OCA2: variants seen among roughly 807,000 people sequenced by gnomAD.
OCA2 encodes P protein.
Under a neutral mutation model 100.2 loss-of-function variants are expected in OCA2, and 77 were observed. That is an observed-to-expected ratio of 0.77 (90% CI 0.64 to 0.93). OCA2 has a LOEUF of 0.93. OCA2 is among the 40% of genes least tolerant of loss of function. OCA2 has a pLI of 0.00. For synonymous variants in OCA2, 432 were observed against 439.2 expected (o/e 0.98, Z 0.21); for missense variants, 1,062 against 1,089.1 (o/e 0.98, Z 0.35).
chr15:27,743,914 C>A, the OCA2 span, among the ~76,000 whole-genome samples: 8 of 152,202 alleles, frequency 5.3e-5, no homozygotes, highest in Non-Finnish European at 7.3e-5. Flanking sequence ...GCCACCACGT[C>A]ATCGTTGCTT....
chr15:27,905,163 C>CAAAAAAAA (rs35906783), intron 19 of OCA2, among the ~76,000 whole-genome samples: 1 of 114,642 alleles, frequency 8.7e-6, no homozygotes. Flanking sequence ...GACTCCACCT[C>CAAAAAAAA]AAAAAAAAAA....
At chr15:27,740,768 C>T in the OCA2 span, among the ~76,000 whole-genome samples, 11 of 152,180 alleles carry the variant, frequency 7.2e-5, no homozygotes, top group African/African-American at 2.7e-4. Context: ...CAGAGCTGGG[C>T]ATAGGCACAG....
intron 2 of OCA2, among the ~76,000 whole-genome samples, chr15:28,045,946 C>A (rs2043334779): frequency 2.0e-5 from 3 of 152,070 alleles, no homozygotes; most frequent in African/African-American, 7.2e-5. Context: ...CCCCTTCCTG[C>A]AACACAGACC....
At chr15:28,056,300 GA>G (rs2141616594) in intron 2 of OCA2, among the ~76,000 whole-genome samples, 1 of 152,300 alleles carries the variant, frequency 6.6e-6, no homozygotes, top group East Asian at 1.9e-4. Context: ...CCACTGACAG[GA>G]GCCTCTCTTC....
chr15:27,914,852 A>G (rs1363422894), intron 19 of OCA2, among the ~76,000 whole-genome samples: 3 of 152,154 alleles, frequency 2.0e-5, no homozygotes, highest in African/African-American at 7.2e-5. Context: ...AGAGAATTAG[A>G]AAAAAACTAT....
intron 21 of OCA2, among the ~76,000 whole-genome samples, chr15:27,859,481 G>T (rs1004347399): frequency 6.6e-6 from 1 of 152,086 alleles, no homozygotes; most frequent in Non-Finnish European, 1.5e-5. Context: ...TGAAAAAATA[G>T]AATATTTGAT....
chr15:27,985,076 G>A lies in OCA2; in HGVS notation c.1352C>T (p.Pro451Leu). Residue 451 changes from proline (P) to leucine (L), a missense_variant, in exon 13 of 24, where the codon CCT becomes CTT. Transcript: ENST00000354638. ...DNVTTMLLFT[P>L]VTIRLCEVLN... ...GTGCTTTGCGTACCTTATGGTCACA[G>A]GCGTGAAGAGGAGCATGGTGGTGAC... The A allele has an allele frequency of 6.2e-7, 1 of 1,613,964 alleles. No homozygotes were observed. Among genetic ancestry groups the A allele is most frequent in the Non-Finnish European group, 8.5e-7 (1 of 1,179,916 alleles).
At chr15:27,906,399 AG>A (rs1362274515) in intron 19 of OCA2, among the ~76,000 whole-genome samples, 1 of 152,196 alleles carries the variant, frequency 6.6e-6, no homozygotes, top group African/African-American at 2.4e-5. Context: ...AAATATAACA[AG>A]GGTCACTAAA....
At chr15:28,020,026 T>C (rs935240424) in intron 6 of OCA2, among the ~76,000 whole-genome samples, 2 of 152,174 alleles carry the variant, frequency 1.3e-5, no homozygotes, top group Non-Finnish European at 2.9e-5. Context: ...AGCACCCGTC[T>C]TCCCCCCTGC....
chr15:27,934,515 A>G (rs1373732946), intron 18 of OCA2, among the ~76,000 whole-genome samples: 1 of 152,080 alleles, frequency 6.6e-6, no homozygotes, highest in Admixed American at 6.5e-5. Flanking sequence ...AATTGCTCCA[A>G]TTTCACTTCT....
chr15:28,021,521 A>G (rs1367027741), intron 6 of OCA2, among the ~76,000 whole-genome samples: 1 of 152,216 alleles, frequency 6.6e-6, no homozygotes, highest in Non-Finnish European at 1.5e-5. Flanking sequence ...ACATTGCTCA[A>G]GGTCAAGTGT....
At chr15:27,949,673 A>C (rs866262582) in intron 18 of OCA2, among the ~76,000 whole-genome samples, 2 of 152,154 alleles carry the variant, frequency 1.3e-5, no homozygotes, top group African/African-American at 4.8e-5. Flanking sequence ...AAAAAAATTT[A>C]AAAAAACACT....
intron 19 of OCA2, among the ~76,000 whole-genome samples, chr15:27,907,915 G>T (rs1189938384): frequency 6.6e-6 from 1 of 152,014 alleles, no homozygotes; most frequent in African/African-American, 2.4e-5. Flanking sequence ...TCTCACAGGG[G>T]AATTGTATCA....
At chr15:28,050,567 GA>G (rs772566545) in intron 2 of OCA2, among the ~76,000 whole-genome samples, 48,694 of 102,846 alleles carry the variant, frequency 0.47, 13,884 homozygotes, top group East Asian at 0.85. Context: ...TCTCAAAAAA[GA>G]AAAAAAAAAA....
intron 19 of OCA2, among the ~76,000 whole-genome samples, chr15:27,903,297 C>G (rs2038035235): frequency 6.6e-6 from 1 of 152,208 alleles, no homozygotes. Flanking sequence ...AAACCCCAAG[C>G]CCGCCACGGC....
chr15:27,858,182 T>C (rs1477958782), intron 21 of OCA2, among the ~76,000 whole-genome samples: 2 of 152,180 alleles, frequency 1.3e-5, no homozygotes, highest in African/African-American at 2.4e-5. Flanking sequence ...AAGACCAGCC[T>C]GGCCAACATG....
intron 18 of OCA2, among the ~76,000 whole-genome samples, chr15:27,933,542 G>C (rs2039337398): frequency 1.3e-5 from 2 of 152,312 alleles, no homozygotes; most frequent in Non-Finnish European, 2.9e-5. Flanking sequence ...CTGGGTGCAG[G>C]CGAGCTGAGT....
intron 19 of OCA2, among the ~76,000 whole-genome samples, chr15:27,921,698 TATTTC>T (rs2140337552): frequency 6.6e-6 from 1 of 152,252 alleles, no homozygotes; most frequent in South Asian, 2.1e-4. Flanking sequence ...AATTAACACA[TATTTC>T]ATTTTCTTTT....
In OCA2 at chr15:27,771,386, T is replaced by TAAA. The variant is rs35814221; in HGVS notation, c.2433-15917_2433-15915dup. On this transcript the variant is annotated intron_variant, in intron 23 of 23. Transcript: ENST00000354638. Reference sequence around the variant, plus strand: ...AGAGGCCCCGGGGGAGAGAGAAGCCTAAAAAAAAAAAAAAAAAATACAGCC... The same window carrying TAAA: ...AGAGGCCCCGGGGGAGAGAGAAGCCTAAAAAAAAAAAAAAAAAAAAATACAGCC... Among the ~76,000 whole-genome samples the TAAA allele has an allele frequency of 1.1e-4, 14 of 131,636 alleles. No individual in the cohort carries two copies. In the East Asian group the frequency reaches 1.8e-3, roughly 17 times the overall value. The allele number at this position is 131,636 out of a possible 152,430, so 86.4% of individuals were successfully genotyped here.
Sources: gnomAD v4.1 joint callset for allele counts (sites outside exome capture counted in the v4.1 genomes callset) on GRCh38, gnomAD v4.1.1 for gene constraint, MANE v1.5 for transcripts, NCBI Gene and HGNC (gene_info 2026-07-23, HGNC 2026-07-21) for gene names.